MYO1B: variants seen among roughly 807,000 people sequenced by gnomAD.
The protein encoded by MYO1B is myosin IB.
A neutral mutation model predicts 159.7 loss-of-function variants in MYO1B; 72 were observed. The ratio of observed to expected loss-of-function variants is 0.45; its 90% confidence interval spans 0.37 to 0.55. The LOEUF is 0.55. MYO1B is among the 20% of genes least tolerant of loss of function. The pLI, the probability that MYO1B is intolerant of heterozygous loss-of-function variation, is 0.00. For synonymous variants in MYO1B, 468 were observed against 473.8 expected, an observed-to-expected ratio of 0.99 and a Z score of 0.16; for missense variants, 1,062 against 1,364.8, an observed-to-expected ratio of 0.78 and a Z score of 3.50.
intron 3 of MYO1B, among the ~76,000 whole-genome samples, chr2:191,311,749 T>C (rs972381636): frequency 1.3e-5 from 2 of 152,236 alleles, no homozygotes; most frequent in Non-Finnish European, 2.9e-5. Context: ...AGTATAAAGA[T>C]GTTAAAGGCA....
chr2:191,358,384 G>A (rs1188531881), intron 7 of MYO1B, among the ~76,000 whole-genome samples: 1 of 152,148 alleles, frequency 6.6e-6, no homozygotes, highest in African/African-American at 2.4e-5. Flanking sequence ...GTTTCACATT[G>A]GAATATGAGA....
At chr2:191,328,123 T>C (rs1691222715) in intron 3 of MYO1B, among the ~76,000 whole-genome samples, 1 of 152,198 alleles carries the variant, frequency 6.6e-6, no homozygotes, top group Admixed American at 6.5e-5. Context: ...CTTAAGACCA[T>C]GTTTCTTTAA....
chr2:191,278,837 T>C (rs1687893290), intron 2 of MYO1B, among the ~76,000 whole-genome samples: 1 of 152,254 alleles, frequency 6.6e-6, no homozygotes, highest in Non-Finnish European at 1.5e-5. Flanking sequence ...AGACAGACTT[T>C]AAACATTGGT....
intron 4 of MYO1B, among the ~76,000 whole-genome samples, chr2:191,334,204 T>A (rs558105047): frequency 6.6e-6 from 1 of 152,096 alleles, no homozygotes; most frequent in Non-Finnish European, 1.5e-5. Flanking sequence ...TTTTGATGGG[T>A]CTTGGCCAGT....
At chr2:191,250,425 C>G (rs983921645) in intron 1 of MYO1B, among the ~76,000 whole-genome samples, 21 of 152,196 alleles carry the variant, frequency 1.4e-4, no homozygotes, top group African/African-American at 3.6e-4. Context: ...TGGTGCATGG[C>G]AGGTCCTTGG....
At chr2:191,272,175 C>A (rs1021336842) in intron 1 of MYO1B, among the ~76,000 whole-genome samples, 1 of 152,158 alleles carries the variant, frequency 6.6e-6, no homozygotes, top group East Asian at 1.9e-4. Context: ...GGAACAATTG[C>A]AATAATATAT....
At chr2:191,356,571 GTATT>G (rs1435026534) in intron 7 of MYO1B, among the ~76,000 whole-genome samples, 3 of 152,070 alleles carry the variant, frequency 2.0e-5, no homozygotes, top group African/African-American at 7.2e-5. Context: ...AAAAAAGACT[GTATT>G]TATCATGAAA....
chr2:191,399,644 G>A (rs1023495763), intron 21 of MYO1B, among the ~76,000 whole-genome samples: 1 of 152,220 alleles, frequency 6.6e-6, no homozygotes, highest in Non-Finnish European at 1.5e-5. Flanking sequence ...AGCCCTTTCA[G>A]AGGGTAGACG....
At chr2:191,316,170 T>C (rs1690336045) in intron 3 of MYO1B, among the ~76,000 whole-genome samples, 1 of 152,230 alleles carries the variant, frequency 6.6e-6, no homozygotes. Context: ...GGAGGTTTTA[T>C]TCTCTGGTAA....
intron 7 of MYO1B, among the ~76,000 whole-genome samples, chr2:191,356,356 TTGAG>T (rs1249695452): frequency 5.4e-5 from 8 of 149,074 alleles, no homozygotes; most frequent in South Asian, 2.2e-4. Flanking sequence ...TTTTTTTTTT[TTGAG>T]TTTTGAGTTT....
chr2:191,375,895 G>C (rs1309555245), intron 13 of MYO1B, among the ~76,000 whole-genome samples: 2 of 151,300 alleles, frequency 1.3e-5, no homozygotes, highest in East Asian at 1.9e-4. Context: ...GGAGACGGAG[G>C]TTGCAGTGAG....
intron 16 of MYO1B, 88 bp downstream of exon 16, chr2:191,386,172 A>T (rs1222615611): frequency 1.6e-6 from 2 of 1,255,752 alleles, no homozygotes; most frequent in African/African-American, 3.0e-5. Flanking sequence ...TCGAAACCCC[A>T]TTAACTTGTG....
chr2:191,393,054 A>C lies in MYO1B; in HGVS notation c.2077-19A>C, dbSNP rs768507291. 4 of 1,609,230 alleles carry C rather than the reference A, an allele frequency of 2.5e-6. No homozygotes were observed. ...GTTTCAGAGGATTTTTGATAAGTCC[A>C]TCTATCATTTCTTATTAGTTATTCA... On this transcript the variant is annotated intron_variant, in intron 19 of 30. Coordinates refer to ENST00000392318, the MANE Select transcript of MYO1B (RefSeq NM_001130158.3).
chr2:191,305,698 C>A (rs1424230251), intron 3 of MYO1B, among the ~76,000 whole-genome samples: 1 of 152,160 alleles, frequency 6.6e-6, no homozygotes, highest in African/African-American at 2.4e-5. Flanking sequence ...CTGGTTTGCC[C>A]TGGGTAGCCC....
intron 30 of MYO1B, among the ~76,000 whole-genome samples, chr2:191,418,137 A>G (rs1697691304): frequency 6.6e-6 from 1 of 152,198 alleles, no homozygotes; most frequent in Non-Finnish European, 1.5e-5. Context: ...AGGACTCTAC[A>G]TAGCACCCGT....
At chr2:191,390,225 T>C in intron 17 of MYO1B, 67 bp from the exon 18 acceptor site, 3 of 1,426,866 alleles carry the variant, frequency 2.1e-6, no homozygotes, top group Non-Finnish European at 1.9e-6. Flanking sequence ...TATAATACTT[T>C]GTGAAAACAT....
rs767453173 is a variant in MYO1B at position 191,400,362 on chromosome 2, T to G, written c.2296-20T>G. 1 of 1,613,318 alleles carries G rather than the reference T, an allele frequency of 6.2e-7. No individual in the cohort carries two copies. Among genetic ancestry groups the G allele is most frequent in the South Asian group, 1.1e-5 (1 of 91,076 alleles). ...CTTTATTTTTAAACATTCTCTCTTTTGGGTGATTCTGCCCTTTAGGCTCGA... is the reference window on the plus strand; with the variant it reads ...CTTTATTTTTAAACATTCTCTCTTTGGGGTGATTCTGCCCTTTAGGCTCGA... On this transcript the variant is annotated intron_variant, in intron 21 of 30. Transcript: ENST00000392318.
At position 191,348,256 on chromosome 2, in the gene MYO1B, AT is replaced by A. The variant is rs1257505642; in HGVS notation, c.499-1899del. Among the ~76,000 whole-genome samples, 9 of 151,890 alleles carry A rather than the reference AT, an allele frequency of 5.9e-5. No homozygotes were observed. In the East Asian group the frequency reaches 9.6e-4, roughly 16 times the overall value. ...TTATTCTACTCTCCTCAAACATCCTATTTTTTTACTCTCAGCTCATGATGTT... is the reference window on the plus strand; with the variant it reads ...TTATTCTACTCTCCTCAAACATCCTATTTTTTACTCTCAGCTCATGATGTT... On this transcript the variant is annotated intron_variant, in intron 6 of 30. Transcript: ENST00000392318.
intron 13 of MYO1B, among the ~76,000 whole-genome samples, chr2:191,372,148 A>G (rs4853588): frequency 0.014 from 1,951 of 137,748 alleles, 64 homozygotes; most frequent in Admixed American, 0.082. Context: ...TGAGCAGGGG[A>G]GATGGGTAAG....
Sources: allele counts gnomAD v4.1 joint callset (sites outside exome capture counted in the v4.1 genomes callset), GRCh38; gene constraint gnomAD v4.1.1; transcripts MANE v1.5; gene names NCBI Gene and HGNC (gene_info 2026-07-23, HGNC 2026-07-21).